The following LRP1B variants were observed in gnomAD, a reference collection of about 807,000 sequenced individuals.
The protein encoded by LRP1B is LDL receptor related protein 1B, also known as low-density lipoprotein receptor-related protein 1B.
Under a neutral mutation model 556.6 loss-of-function variants are expected in LRP1B, and 217 were observed. The observed-to-expected ratio is 0.39, with a 90% CI of 0.35 to 0.44. LRP1B has a LOEUF of 0.44. Among genes scored for constraint, LRP1B ranks in the 20% least tolerant of loss-of-function variants. The pLI is 1.00. For missense variants in LRP1B, 5,053 were observed against 5,620.8 expected (o/e 0.90, Z 3.23); for synonymous variants, 2,047 against 1,865.8 (o/e 1.10, Z -2.50).
At chr2:140,649,453 C>T (rs929491228) in intron 41 of LRP1B, among the ~76,000 whole-genome samples, 1 of 152,210 alleles carries the variant, frequency 6.6e-6, no homozygotes, top group African/African-American at 2.4e-5. Context: ...CATATTCTCT[C>T]CAAATTGTCC....
At chr2:140,657,446 A>G (rs1234288506) in intron 41 of LRP1B, among the ~76,000 whole-genome samples, 1 of 151,540 alleles carries the variant, frequency 6.6e-6, no homozygotes, top group East Asian at 1.9e-4. Context: ...CATACATTGA[A>G]TGATTATTCC....
chr2:140,486,464 T>C (rs1482073276), intron 58 of LRP1B, among the ~76,000 whole-genome samples: 1 of 151,942 alleles, frequency 6.6e-6, no homozygotes, highest in Admixed American at 6.6e-5. Flanking sequence ...TGTGAATTAA[T>C]AAATTTAAGG....
At chr2:141,587,723 G>A (rs1302695904) in intron 2 of LRP1B, among the ~76,000 whole-genome samples, 1 of 151,988 alleles carries the variant, frequency 6.6e-6, no homozygotes, top group East Asian at 1.9e-4. Flanking sequence ...GAGATTAATG[G>A]TACATAATTA....
chr2:140,344,407 T>G (rs1483467243), intron 77 of LRP1B, among the ~76,000 whole-genome samples: 1 of 151,712 alleles, frequency 6.6e-6, no homozygotes, highest in Non-Finnish European at 1.5e-5. Context: ...CAAGACTGCC[T>G]GATTTATGAG....
At chr2:141,650,436 C>A (rs1689743725) in intron 2 of LRP1B, among the ~76,000 whole-genome samples, 1 of 152,006 alleles carries the variant, frequency 6.6e-6, no homozygotes, top group South Asian at 2.1e-4. Flanking sequence ...GTATGTTAAA[C>A]CTTTCCATTT....
intron 43 of LRP1B, among the ~76,000 whole-genome samples, chr2:140,557,969 A>T (rs2105068706): frequency 6.6e-6 from 1 of 152,300 alleles, no homozygotes; most frequent in South Asian, 2.1e-4. Context: ...AGCTCCAAAG[A>T]ATATCACCTG....
At chr2:141,600,134 G>A (rs188673857) in intron 2 of LRP1B, among the ~76,000 whole-genome samples, 6 of 152,102 alleles carry the variant, frequency 3.9e-5, no homozygotes, top group Non-Finnish European at 8.8e-5. Context: ...GGTGAAAAAG[G>A]TATAAATAGT....
chr2:141,435,719 C>A (rs1680739427), intron 3 of LRP1B, among the ~76,000 whole-genome samples: 1 of 152,176 alleles, frequency 6.6e-6, no homozygotes, highest in African/African-American at 2.4e-5. Context: ...GCACTTCTAT[C>A]CTATGAACAG....
At chr2:140,968,107 A>G (rs903089461) in intron 18 of LRP1B, among the ~76,000 whole-genome samples, 2 of 150,622 alleles carry the variant, frequency 1.3e-5, no homozygotes, top group Non-Finnish European at 3.0e-5. Flanking sequence ...AAGGAATGGT[A>G]CCAGCTCCTC....
chr2:142,108,332 T>A (rs1559074784), intron 1 of LRP1B, among the ~76,000 whole-genome samples: 1 of 152,144 alleles, frequency 6.6e-6, no homozygotes, highest in African/African-American at 2.4e-5. Context: ...GAAATAGCAA[T>A]CCAAAATTTA....
intron 32 of LRP1B, among the ~76,000 whole-genome samples, chr2:140,808,974 T>A (rs1302950671): frequency 6.7e-6 from 1 of 149,120 alleles, no homozygotes; most frequent in Non-Finnish European, 1.5e-5. Flanking sequence ...ACCAGGTGAC[T>A]TTTTTTTTTC....
At chr2:141,269,413 T>C (rs1685006099) in intron 3 of LRP1B, among the ~76,000 whole-genome samples, 1 of 152,108 alleles carries the variant, frequency 6.6e-6, no homozygotes, top group Admixed American at 6.6e-5. Context: ...AATAGAACAA[T>C]CAGCTGACCG....
chr2:141,538,637 T>A (rs1559127961), intron 2 of LRP1B, among the ~76,000 whole-genome samples: 1 of 74,762 alleles, frequency 1.3e-5, no homozygotes, highest in Non-Finnish European at 3.6e-5. Flanking sequence ...GAAAAAAACT[T>A]CTTTTTTTTT....
intron 3 of LRP1B, among the ~76,000 whole-genome samples, chr2:141,353,902 CT>C (rs1332211496): frequency 1.3e-5 from 2 of 151,974 alleles, no homozygotes; most frequent in East Asian, 3.8e-4. Flanking sequence ...AGCGTAGCTA[CT>C]TTCTTATCTT....
intron 7 of LRP1B, 29 bp downstream of exon 7, chr2:141,188,392 T>C (rs1681354991): frequency 6.3e-7 from 1 of 1,597,354 alleles, no homozygotes; most frequent in Non-Finnish European, 8.5e-7. Flanking sequence ...CAAACTTTTT[T>C]AGACCAAACA....
chr2:141,967,988 G>A (rs1701609425), intron 1 of LRP1B, among the ~76,000 whole-genome samples: 1 of 151,728 alleles, frequency 6.6e-6, no homozygotes, highest in Non-Finnish European at 1.5e-5. Flanking sequence ...GAACAAAAAT[G>A]TATTTTACCA....
chr2:141,602,199 G>A (rs1687771583), intron 2 of LRP1B, among the ~76,000 whole-genome samples: 1 of 152,130 alleles, frequency 6.6e-6, no homozygotes, highest in South Asian at 2.1e-4. Flanking sequence ...AGTCTTCAGT[G>A]CTTCTCTCTG....
chr2:140,495,831 G>T, intron 55 of LRP1B, 83 bp from the exon 56 acceptor site: 1 of 1,165,184 alleles, frequency 8.6e-7, no homozygotes, highest in Non-Finnish European at 1.2e-6. Flanking sequence ...CATTAAGCAA[G>T]AAAAGCATTT....
chr2:141,794,573 G>C (rs2105669941), intron 2 of LRP1B, among the ~76,000 whole-genome samples: 1 of 151,960 alleles, frequency 6.6e-6, no homozygotes, highest in African/African-American at 2.4e-5. Flanking sequence ...TTACAGATAA[G>C]TACTTTGATC....
Sources: allele counts gnomAD v4.1 joint callset (sites outside exome capture counted in the v4.1 genomes callset), GRCh38; gene constraint gnomAD v4.1.1; transcripts MANE v1.5; gene names NCBI Gene and HGNC (gene_info 2026-07-23, HGNC 2026-07-21).